Variants in MICAL3 observed in about 807,000 individuals in gnomAD.
MICAL3 encodes [F-actin]-monooxygenase MICAL3.
In MICAL3, 62 loss-of-function variants were observed where a neutral mutation model predicts 207.4. That is an observed-to-expected ratio of 0.30 (90% CI 0.24 to 0.37). The LOEUF (loss-of-function observed/expected upper bound fraction) is 0.37, where lower values mean the gene tolerates loss of function less well. Ranked by LOEUF, MICAL3 falls within the 10% of genes least tolerant of loss-of-function variation. The pLI, the probability that MICAL3 is intolerant of heterozygous loss-of-function variation, is 1.00. For synonymous variants in MICAL3, 1,077 were observed against 1,069.3 expected (o/e 1.01, Z -0.14); for missense variants, 2,368 against 2,635.6 (o/e 0.90, Z 2.22).
intron 1 of MICAL3, among the ~76,000 whole-genome samples, chr22:17,982,691 A>G (rs999657601): frequency 6.7e-6 from 1 of 150,194 alleles, no homozygotes; most frequent in African/African-American, 2.5e-5. Context: ...ATAACATAAC[A>G]TAACATAACA....
At chr22:17,802,905 G>T (rs1348268124) in intron 29 of MICAL3, among the ~76,000 whole-genome samples, 1 of 152,136 alleles carries the variant, frequency 6.6e-6, no homozygotes, top group East Asian at 1.9e-4. Context: ...CAGCTGCCCA[G>T]GAGAAAAGCT....
At chr22:17,919,071 T>C (rs1205039249) in intron 1 of MICAL3, among the ~76,000 whole-genome samples, 5 of 143,760 alleles carry the variant, frequency 3.5e-5, no homozygotes, top group African/African-American at 1.4e-4. Context: ...TTTTGGTTTT[T>C]GTGGGTTTTT....
At chr22:17,891,097 G>C (rs1023663533) in intron 12 of MICAL3, among the ~76,000 whole-genome samples, 3 of 152,158 alleles carry the variant, frequency 2.0e-5, no homozygotes, top group African/African-American at 7.2e-5. Flanking sequence ...GGTTTCCCTT[G>C]TGACCCATAG....
intron 1 of MICAL3, among the ~76,000 whole-genome samples, chr22:17,927,094 C>T (rs189454519): frequency 2.6e-5 from 4 of 152,212 alleles, no homozygotes; most frequent in Non-Finnish European, 5.9e-5. Flanking sequence ...CTCCCCATTT[C>T]CCCTTCCTCA....
chr22:17,961,833 C>T (rs7291155), intron 1 of MICAL3, among the ~76,000 whole-genome samples: 30,405 of 152,088 alleles, frequency 0.2, 3,204 homozygotes, highest in Middle Eastern at 0.27. Flanking sequence ...ACCAGTGCCA[C>T]GGCCTGCCTG....
intron 1 of MICAL3, among the ~76,000 whole-genome samples, chr22:17,918,347 A>T (rs1932671188): frequency 6.6e-6 from 1 of 152,220 alleles, no homozygotes. Flanking sequence ...AGACTGAGAC[A>T]AAATTTCAAC....
Position 17,790,579 on chromosome 22 carries a change from C to G in MICAL3, c.*153G>C. 1.4e-6 allele frequency: 1 copy of G among 694,190 alleles called. No homozygotes were observed. The highest frequency in any genetic ancestry group is 1.9e-5 in the South Asian group (1 of 52,114). The allele number at this position is 694,190 out of a possible 1,614,324, so 43.0% of individuals were successfully genotyped here. A position where few individuals can be genotyped will look rare whatever the true frequency, so the allele number is the denominator to read the frequency against. ...CTGTCACCTGGGGCTCCCCACTGCA[C>G]GCGGGACTCGACCACTTTCCAAGCA... is the stretch of plus-strand genomic sequence containing the variant. On this transcript the variant is annotated 3_prime_UTR_variant, in exon 32 of 32. Transcript: ENST00000441493.
intron 19 of MICAL3, chr22:17,864,337 G>C (rs540388537): frequency 1.6e-6 from 2 of 1,222,706 alleles, no homozygotes; most frequent in South Asian, 2.1e-5. Context: ...TCACGGTGCA[G>C]GGCAGACAGG....
At chr22:17,873,554 G>A (rs1334953638) in intron 16 of MICAL3, among the ~76,000 whole-genome samples, 1 of 152,252 alleles carries the variant, frequency 6.6e-6, no homozygotes, top group Non-Finnish European at 1.5e-5. Context: ...TTCTAGACTG[G>A]GCTGGGCATG....
At chr22:17,819,617 C>G (rs1357635119) in intron 25 of MICAL3, among the ~76,000 whole-genome samples, 2 of 152,106 alleles carry the variant, frequency 1.3e-5, no homozygotes. Context: ...TTATATCACC[C>G]CATCCAAGAG....
At chr22:17,976,583 A>ATTTTTTT (rs1214780677) in intron 1 of MICAL3, among the ~76,000 whole-genome samples, 2 of 87,690 alleles carry the variant, frequency 2.3e-5, no homozygotes, top group African/African-American at 5.5e-5. Context: ...ATATATATAT[A>ATTTTTTT]TATATATTTT....
rs73876503 is a variant in MICAL3 at position 17,802,818 on chromosome 22, G to C, written c.5650+6026C>G. Among the ~76,000 whole-genome samples the C allele has an allele frequency of 9.0e-3, 1,368 of 152,210 alleles. 15 individuals are homozygous for C. Among genetic ancestry groups the C allele is most frequent in the African/African-American group, 0.032 (1,308 of 41,510 alleles). ...ATGGAGCCTCCACGGGGAGATGAAG[G>C]GGGTAGACTGCCAGATCAAGGACAC... On this transcript the variant is annotated intron_variant, in intron 29 of 31. Transcript: ENST00000441493.
At chr22:17,798,798 T>G (rs569518226) in intron 29 of MICAL3, among the ~76,000 whole-genome samples, 2 of 150,948 alleles carry the variant, frequency 1.3e-5, no homozygotes, top group African/African-American at 4.9e-5. Context: ...CTCAGCCTCC[T>G]GAGTAGCTGG....
At chr22:17,942,308 G>A (rs1794229792) in intron 1 of MICAL3, among the ~76,000 whole-genome samples, 2 of 152,150 alleles carry the variant, frequency 1.3e-5, no homozygotes, top group South Asian at 4.2e-4. Flanking sequence ...ACAAATCAAA[G>A]CCCAGGGTGC....
intron 23 of MICAL3, 73 bp from the exon 24 acceptor site, chr22:17,822,243 C>T (rs994062576): frequency 2.9e-5 from 45 of 1,525,952 alleles, no homozygotes; most frequent in South Asian, 1.0e-4. Context: ...TGAGAGCAGC[C>T]GCGCCACTTG....
chr22:17,998,499 C>T (rs1487815959), intron 1 of MICAL3, among the ~76,000 whole-genome samples: 1 of 151,180 alleles, frequency 6.6e-6, no homozygotes, highest in African/African-American at 2.4e-5. Flanking sequence ...TTCACTTCCT[C>T]AAGTAAAAAG....
At chr22:17,869,871 C>T (rs1184421202) in intron 17 of MICAL3, among the ~76,000 whole-genome samples, 6 of 152,140 alleles carry the variant, frequency 3.9e-5, no homozygotes, top group African/African-American at 1.4e-4. Context: ...GGACAAAGGG[C>T]GTGATGTGTT....
At chr22:17,888,008 G>A (rs1345105827) in intron 13 of MICAL3, among the ~76,000 whole-genome samples, 1 of 152,150 alleles carries the variant, frequency 6.6e-6, no homozygotes, top group Non-Finnish European at 1.5e-5. Context: ...AGCACTGGAG[G>A]GTGGTAACAC....
intron 1 of MICAL3, among the ~76,000 whole-genome samples, chr22:17,987,097 C>T (rs1165751215): frequency 6.6e-6 from 1 of 151,980 alleles, no homozygotes; most frequent in Non-Finnish European, 1.5e-5. Flanking sequence ...AAAAATTGTC[C>T]AGGCATAGGG....
Sources: allele counts gnomAD v4.1 joint callset (sites outside exome capture counted in the v4.1 genomes callset), GRCh38; gene constraint gnomAD v4.1.1; transcripts MANE v1.5; gene names NCBI Gene and HGNC (gene_info 2026-07-23, HGNC 2026-07-21).